The following UNC5D variants were observed in gnomAD, a reference collection of about 807,000 sequenced individuals.
The protein encoded by UNC5D is unc-5 netrin receptor D.
UNC5D carries 39 observed loss-of-function variants against 105.4 expected under a neutral mutation model. The ratio of observed to expected loss-of-function variants is 0.37; its 90% CI spans 0.29 to 0.48. The LOEUF (loss-of-function observed/expected upper bound fraction) is 0.48. UNC5D is among the 20% of genes least tolerant of loss of function. The pLI, the probability that UNC5D is intolerant of heterozygous loss-of-function variation, is 0.98. For synonymous variants in UNC5D, 452 were observed against 450.4 expected, an observed-to-expected ratio of 1.00 and a Z score of -0.04; for missense variants, 991 against 1,202.4, an observed-to-expected ratio of 0.82 and a Z score of 2.60.
At chr8:35,508,315 G>T (rs1812466827) in intron 1 of UNC5D, among the ~76,000 whole-genome samples, 1 of 152,100 alleles carries the variant, frequency 6.6e-6, no homozygotes, top group Non-Finnish European at 1.5e-5. Flanking sequence ...AGATACAGCT[G>T]GGAAGAAAAG....
At chr8:35,761,631 T>C (rs1348068505) in intron 14 of UNC5D, among the ~76,000 whole-genome samples, 1 of 152,194 alleles carries the variant, frequency 6.6e-6, no homozygotes, top group East Asian at 1.9e-4. Flanking sequence ...CAATTTAATT[T>C]TCTCTGCATC....
intron 1 of UNC5D, among the ~76,000 whole-genome samples, chr8:35,261,768 A>G (rs989686788): frequency 6.6e-6 from 1 of 152,080 alleles, no homozygotes; most frequent in African/African-American, 2.4e-5. Flanking sequence ...TAAGTGCACT[A>G]TGTCACTATT....
At chr8:35,253,711 G>A (rs6993424) in intron 1 of UNC5D, among the ~76,000 whole-genome samples, 1 of 151,692 alleles carries the variant, frequency 6.6e-6, no homozygotes, top group Non-Finnish European at 1.5e-5. Flanking sequence ...GGATGATTTC[G>A]ATTTCCTGAC....
chr8:35,550,398 G>A (rs1816036460), intron 2 of UNC5D, among the ~76,000 whole-genome samples: 3 of 152,080 alleles, frequency 2.0e-5, no homozygotes. Context: ...TCTCAGACAA[G>A]ATCCAATCTG....
rs561776678 is a variant in UNC5D at position 35,792,824 on chromosome 8, C to CT, written c.*2270dup. On this transcript the variant is annotated 3_prime_UTR_variant, in exon 17 of 17. Coordinates refer to ENST00000404895, the MANE Select transcript of UNC5D (RefSeq NM_080872.4). The stretch of plus-strand genomic sequence containing the variant: ...ATCTACTCTGTGAATCTACATAGGT[C>CT]TTTTTTTTTAGATGTTTGATACATT... The CT allele has an allele frequency of 3.6e-4, 120 of 332,370 alleles. No individual in the cohort carries two copies. The highest frequency in any genetic ancestry group is 4.5e-4 in the South Asian group (18 of 40,408). The allele number at this position is 332,370 out of a possible 1,614,324, so 20.6% of individuals were successfully genotyped here. A position where few individuals can be genotyped will look rare whatever the true frequency, so the allele number is the denominator to read the frequency against.
At chr8:35,461,045 A>T (rs1052230243) in intron 1 of UNC5D, among the ~76,000 whole-genome samples, 2 of 152,160 alleles carry the variant, frequency 1.3e-5, no homozygotes, top group African/African-American at 4.8e-5. Context: ...TGTTCTAGGG[A>T]TTGTTGTACT....
chr8:35,743,752 TAA>T (rs900825180), intron 11 of UNC5D, among the ~76,000 whole-genome samples: 6 of 152,072 alleles, frequency 3.9e-5, no homozygotes, highest in South Asian at 2.1e-4. Context: ...CATATACGTA[TAA>T]AAGTCAATAC....
intron 1 of UNC5D, among the ~76,000 whole-genome samples, chr8:35,313,478 C>T (rs111344438): frequency 0.012 from 1,899 of 152,182 alleles, 29 homozygotes; most frequent in Non-Finnish European, 0.021. Context: ...TGGAAGTTTG[C>T]GATTACTTGC....
chr8:35,561,139 C>T (rs1816928431), intron 2 of UNC5D, among the ~76,000 whole-genome samples: 1 of 152,088 alleles, frequency 6.6e-6, no homozygotes, highest in Non-Finnish European at 1.5e-5. Flanking sequence ...GTGAGTTTGC[C>T]TTTCATATGC....
At chr8:35,237,209 T>C (rs1422775679) in intron 1 of UNC5D, among the ~76,000 whole-genome samples, 1 of 119,574 alleles carries the variant, frequency 8.4e-6, no homozygotes, top group Non-Finnish European at 1.7e-5. Flanking sequence ...TTTTTTTTAA[T>C]GGAGCGGGCT....
intron 1 of UNC5D, among the ~76,000 whole-genome samples, chr8:35,453,293 A>C (rs1048329312): frequency 1.3e-5 from 2 of 152,150 alleles, no homozygotes; most frequent in African/African-American, 4.8e-5. Context: ...CCATCTGTGC[A>C]CTATCTCCAT....
intron 1 of UNC5D, among the ~76,000 whole-genome samples, chr8:35,237,859 C>A (rs1477817457): frequency 3.3e-5 from 5 of 152,192 alleles, no homozygotes; most frequent in Non-Finnish European, 5.9e-5. Context: ...AAGCCACATG[C>A]ACCTGGCTTT....
rs539803991 is a variant in UNC5D, at chr8:35,622,108, C to A, written c.570+26451C>A. Among the ~76,000 whole-genome samples the A allele has an allele frequency of 1.1e-4, 16 of 152,152 alleles. No individual in the cohort carries two copies. The South Asian group carries it at 3.3e-3, about 32-fold the overall frequency. On this transcript the variant is annotated intron_variant, in intron 4 of 16. Transcript: ENST00000404895. ...CCTGTAATCCCAGCACTTTGGGAGG[C>A]CAAGGCGGGTAGATCATGAAGTCAA...
chr8:35,742,422 A>G (rs779821470), intron 11 of UNC5D, among the ~76,000 whole-genome samples: 3 of 152,342 alleles, frequency 2.0e-5, no homozygotes, highest in South Asian at 2.1e-4. Flanking sequence ...GCTTCCATCT[A>G]TCAGCCTTGA....
At chr8:35,386,466 G>GT (rs916380330) in intron 1 of UNC5D, among the ~76,000 whole-genome samples, 13 of 152,012 alleles carry the variant, frequency 8.6e-5, no homozygotes, top group African/African-American at 2.9e-4. Context: ...TCTGTTAATT[G>GT]TTTTTTACTA....
chr8:35,429,257 A>G (rs528711568), intron 1 of UNC5D, among the ~76,000 whole-genome samples: 112 of 152,282 alleles, frequency 7.4e-4, no homozygotes, highest in Non-Finnish European at 8.7e-4. Flanking sequence ...GTGTTGTGCT[A>G]GAGATTCTGA....
At chr8:35,624,097 C>A (rs1002077467) in intron 4 of UNC5D, among the ~76,000 whole-genome samples, 1 of 152,026 alleles carries the variant, frequency 6.6e-6, no homozygotes, top group African/African-American at 2.4e-5. Flanking sequence ...AAAAAAAATT[C>A]ATTAGTCTTA....
At chr8:35,267,920 T>C (rs1805002906) in intron 1 of UNC5D, among the ~76,000 whole-genome samples, 1 of 152,088 alleles carries the variant, frequency 6.6e-6, no homozygotes, top group Non-Finnish European at 1.5e-5. Flanking sequence ...TTGCAAAGAT[T>C]TTGAAAAAAG....
At chr8:35,565,027 A>G (rs1267175221) in intron 2 of UNC5D, among the ~76,000 whole-genome samples, 1 of 152,160 alleles carries the variant, frequency 6.6e-6, no homozygotes, top group African/African-American at 2.4e-5. Context: ...TATCTTTGCA[A>G]TTATGAATTG....
Sources: allele counts gnomAD v4.1 joint callset (sites outside exome capture counted in the v4.1 genomes callset), GRCh38; gene constraint gnomAD v4.1.1; transcripts MANE v1.5; gene names NCBI Gene and HGNC (gene_info 2026-07-23, HGNC 2026-07-21).